The following CSMD3 variants were observed in gnomAD, a reference collection of about 807,000 sequenced individuals.
The protein encoded by CSMD3 is CUB and Sushi multiple domains 3.
In CSMD3, 177 loss-of-function variants were observed where a neutral mutation model predicts 435.2. The ratio of observed to expected loss-of-function variants is 0.41; its 90% CI spans 0.36 to 0.46. The LOEUF (loss-of-function observed/expected upper bound fraction) is 0.46, where lower values mean the gene tolerates loss of function less well. Ranked by LOEUF, CSMD3 falls within the 20% of genes least tolerant of loss-of-function variation. The pLI is 0.34. For missense variants in CSMD3, 4,265 were observed against 4,504.6 expected, an observed-to-expected ratio of 0.95 and a Z score of 1.52; for synonymous variants, 1,656 against 1,520.5, an observed-to-expected ratio of 1.09 and a Z score of -2.07.
At chr8:112,948,111 G>A (rs1259720393) in intron 8 of CSMD3, among the ~76,000 whole-genome samples, 1 of 150,168 alleles carries the variant, frequency 6.7e-6, no homozygotes, top group Non-Finnish European at 1.5e-5. Flanking sequence ...TATTAGTCTT[G>A]CCTATTAACA....
chr8:112,815,703 A>AAG (rs2079355568), intron 12 of CSMD3, among the ~76,000 whole-genome samples: 1 of 152,216 alleles, frequency 6.6e-6, no homozygotes, highest in African/African-American at 2.4e-5. Flanking sequence ...AAACAAATAC[A>AAG]TATATAAAAC....
chr8:112,986,257 C>G (rs1334116856), intron 6 of CSMD3, among the ~76,000 whole-genome samples: 1 of 152,126 alleles, frequency 6.6e-6, no homozygotes, highest in Non-Finnish European at 1.5e-5. Context: ...TAAAATTCAA[C>G]TGGGCATTCT....
In CSMD3 at chr8:113,003,359, A is replaced by T. The variant is rs146736152; in HGVS notation, c.1030+15708T>A. Among the ~76,000 whole-genome samples, 92 of 152,098 alleles carry T rather than the reference A, an allele frequency of 6.0e-4. No individual in the cohort carries two copies. The Middle Eastern group carries it at 0.01, about 17-fold the overall frequency. On this transcript the variant is annotated intron_variant, in intron 6 of 70. Transcript: ENST00000297405. ...TCAATTTTTGTTCTTCAAAATATTG[A>T]TCATTTATTTCTCACCCTATAAAAA...
At chr8:112,489,544 T>C (rs961538215) in intron 31 of CSMD3, among the ~76,000 whole-genome samples, 5 of 152,202 alleles carry the variant, frequency 3.3e-5, no homozygotes, top group African/African-American at 4.8e-5. Context: ...TATCAAATTC[T>C]CCTTATTGTG....
chr8:112,428,925 C>T (rs1012356819), intron 32 of CSMD3, among the ~76,000 whole-genome samples: 2 of 151,912 alleles, frequency 1.3e-5, no homozygotes, highest in Non-Finnish European at 2.9e-5. Context: ...TTGATAGATA[C>T]AATTGTATGT....
At chr8:113,432,459 C>G (rs765607893) in intron 1 of CSMD3, among the ~76,000 whole-genome samples, 45 of 152,224 alleles carry the variant, frequency 3.0e-4, no homozygotes, top group Non-Finnish European at 5.7e-4. Context: ...CTTAGCTGGT[C>G]ACTCCAGCGG....
At chr8:112,499,424 G>T (rs1022872763) in intron 30 of CSMD3, among the ~76,000 whole-genome samples, 4 of 152,032 alleles carry the variant, frequency 2.6e-5, no homozygotes, top group African/African-American at 9.6e-5. Context: ...GTGAGAAGAT[G>T]AATATTTAAC....
intron 10 of CSMD3, among the ~76,000 whole-genome samples, chr8:112,879,852 T>C (rs751238828): frequency 1.3e-5 from 2 of 151,924 alleles, no homozygotes; most frequent in Non-Finnish European, 1.5e-5. Context: ...TTCTCACTTA[T>C]AAGTGAGAGT....
intron 27 of CSMD3, among the ~76,000 whole-genome samples, chr8:112,535,956 A>G (rs1826034208): frequency 6.6e-6 from 1 of 152,098 alleles, no homozygotes; most frequent in Non-Finnish European, 1.5e-5. Flanking sequence ...TGCTGGGAAA[A>G]CTGGCTAGCC....
intron 4 of CSMD3, among the ~76,000 whole-genome samples, chr8:113,123,267 A>G (rs559548865): frequency 3.3e-5 from 5 of 152,226 alleles, no homozygotes; most frequent in Admixed American, 2.6e-4. Context: ...TCCCTCATTA[A>G]TTAATAAGCC....
At chr8:113,152,099 G>A (rs894277484) in intron 4 of CSMD3, among the ~76,000 whole-genome samples, 5 of 151,370 alleles carry the variant, frequency 3.3e-5, no homozygotes, top group African/African-American at 9.7e-5. Flanking sequence ...ACAACCGCCT[G>A]AAGAGCTTTT....
chr8:112,663,234 G>C (rs2075430873), intron 17 of CSMD3, among the ~76,000 whole-genome samples: 1 of 151,974 alleles, frequency 6.6e-6, no homozygotes, highest in Non-Finnish European at 1.5e-5. Flanking sequence ...TTGGAACCAA[G>C]CCAAATGTCC....
chr8:112,342,050 G>A (rs1472507961), intron 41 of CSMD3, among the ~76,000 whole-genome samples: 1 of 152,052 alleles, frequency 6.6e-6, no homozygotes, highest in African/African-American at 2.4e-5. Context: ...TTTGTGTTAT[G>A]GAAAAGGTCA....
chr8:113,386,537 C>G (rs576300092), intron 1 of CSMD3, among the ~76,000 whole-genome samples: 1 of 151,902 alleles, frequency 6.6e-6, no homozygotes, highest in African/African-American at 2.4e-5. Flanking sequence ...CTGGCATATT[C>G]TGTTAGAATT....
At chr8:112,394,951 A>G (rs1228365507) in intron 35 of CSMD3, among the ~76,000 whole-genome samples, 1 of 152,192 alleles carries the variant, frequency 6.6e-6, no homozygotes, top group African/African-American at 2.4e-5. Flanking sequence ...GTATCTGTAC[A>G]TATCTTGTGC....
At chr8:113,253,050 A>G (rs1284288452) in intron 3 of CSMD3, among the ~76,000 whole-genome samples, 2 of 152,140 alleles carry the variant, frequency 1.3e-5, no homozygotes, top group Non-Finnish European at 2.9e-5. Flanking sequence ...GCACAGATCA[A>G]TAATATAAAT....
At chr8:113,409,332 C>T (rs1230118329) in intron 1 of CSMD3, among the ~76,000 whole-genome samples, 1 of 151,834 alleles carries the variant, frequency 6.6e-6, no homozygotes. Context: ...AAGCACCCCT[C>T]TCGGCCTCCC....
In CSMD3 at chr8:112,362,778, G is replaced by A. The variant is rs138277035; in HGVS notation, c.6137-10244C>T. On this transcript the variant is annotated intron_variant, in intron 38 of 70. Coordinates refer to ENST00000297405, the MANE Select transcript of CSMD3 (RefSeq NM_198123.2). The stretch of plus-strand genomic sequence containing the variant: ...ATTGCTCCATAGAAGTAACCCATAT[G>A]AGTACTGAAAAATTATATATTTTAC... Among the ~76,000 whole-genome samples the A allele has an allele frequency of 2.5e-3, 385 of 152,076 alleles. 8 individuals carry two copies. Among genetic ancestry groups the A allele is most frequent in the Admixed American group, 0.017 (257 of 15,256 alleles).
intron 13 of CSMD3, among the ~76,000 whole-genome samples, chr8:112,719,808 T>C (rs1283501078): frequency 6.6e-6 from 1 of 152,180 alleles, no homozygotes; most frequent in African/African-American, 2.4e-5. Context: ...GAAGAATTAA[T>C]ATTCAACAGT....
Sources: gnomAD v4.1 joint callset for allele counts (sites outside exome capture counted in the v4.1 genomes callset) on GRCh38, gnomAD v4.1.1 for gene constraint, MANE v1.5 for transcripts, NCBI Gene and HGNC (gene_info 2026-07-23, HGNC 2026-07-21) for gene names.